WDHD1: variants seen among roughly 807,000 people sequenced by gnomAD.
WDHD1 encodes the protein WD repeat and HMG-box DNA binding protein 1.
WDHD1 carries 111 observed loss-of-function variants against 135.4 expected under a neutral mutation model. That is an observed-to-expected ratio of 0.82 (90% CI 0.70 to 0.96). WDHD1 has a LOEUF of 0.96. Among genes scored for constraint, WDHD1 ranks in the 40% least tolerant of loss-of-function variants. The pLI is 0.00. For synonymous variants in WDHD1, 434 were observed against 439.0 expected (o/e 0.99, Z 0.14); for missense variants, 1,351 against 1,336.3 (o/e 1.01, Z -0.17).
intron 17 of WDHD1, 59 bp from the exon 18 acceptor site, chr14:54,966,665 T>C (rs1301748267): frequency 6.6e-7 from 1 of 1,507,988 alleles, no homozygotes; most frequent in Non-Finnish European, 8.9e-7. Flanking sequence ...AGGCAAGCGT[T>C]AAATATTTAT....
chr14:54,956,984 C>T, intron 23 of WDHD1, 50 bp downstream of exon 23: 2 of 1,573,532 alleles, frequency 1.3e-6, no homozygotes, highest in Non-Finnish European at 1.7e-6. Context: ...AAACTGAAGA[C>T]AAACAGATCC....
intron 16 of WDHD1, among the ~76,000 whole-genome samples, chr14:54,968,434 C>T (rs1240685846): frequency 1.3e-5 from 2 of 151,502 alleles, no homozygotes; most frequent in East Asian, 1.9e-4. Context: ...AACAATCTAA[C>T]ATTGCATCTA....
chr14:54,958,060 A>C (rs1345715525), intron 21 of WDHD1, among the ~76,000 whole-genome samples: 1 of 152,100 alleles, frequency 6.6e-6, no homozygotes, highest in East Asian at 1.9e-4. Flanking sequence ...AAAAAGAAAC[A>C]AAAAACAAAC....
intron 18 of WDHD1, among the ~76,000 whole-genome samples, chr14:54,963,960 T>A (rs2041299354): frequency 6.6e-6 from 1 of 151,636 alleles, no homozygotes; most frequent in Admixed American, 6.6e-5. Context: ...AAAAATAAAT[T>A]AGCTGGGCGT....
chr14:55,017,979 T>A (rs1421165461), intron 2 of WDHD1, among the ~76,000 whole-genome samples: 4 of 152,166 alleles, frequency 2.6e-5, no homozygotes, highest in Non-Finnish European at 5.9e-5. Flanking sequence ...CTAGACCTCC[T>A]GGCCTCAAGC....
At chr14:55,007,759 G>A (rs2042096929) in intron 6 of WDHD1, among the ~76,000 whole-genome samples, 1 of 152,172 alleles carries the variant, frequency 6.6e-6, no homozygotes, top group African/African-American at 2.4e-5. Flanking sequence ...ATGAAGGGAA[G>A]GAACTGTGGA....
intron 3 of WDHD1, among the ~76,000 whole-genome samples, chr14:55,011,364 T>A (rs2042165506): frequency 6.6e-6 from 1 of 151,770 alleles, no homozygotes; most frequent in South Asian, 2.1e-4. Flanking sequence ...ACCCCATCTC[T>A]ACTAAAATTA....
In WDHD1 at chr14:54,987,291, A is replaced by T; in HGVS notation, c.1623T>A (p.Gly541=). Residue 541 remains glycine, a synonymous_variant, in exon 14 of 26, where the codon GGT becomes GGA. Coordinates refer to ENST00000360586, the MANE Select transcript of WDHD1 (RefSeq NM_007086.4). ...QNEDIEAICL[G]QGWAAAATSA... ...TAGTAGCGGCAGCAGCCCATCCTTG[A>T]CCGAGACATATGGCTTCAATATCCT... 6.2e-7 allele frequency: 1 copy of T among 1,614,114 alleles called. No individual in the cohort carries two copies. The highest frequency in any genetic ancestry group is 8.5e-7 in the Non-Finnish European group (1 of 1,180,026).
intron 16 of WDHD1, among the ~76,000 whole-genome samples, chr14:54,975,318 CATT>C (rs1296296057): frequency 6.6e-6 from 1 of 151,832 alleles, no homozygotes; most frequent in Non-Finnish European, 1.5e-5. Flanking sequence ...GCAGGGATGA[CATT>C]AATACAGATC....
intron 18 of WDHD1, among the ~76,000 whole-genome samples, chr14:54,965,594 A>G (rs553497219): frequency 2.0e-5 from 3 of 152,240 alleles, no homozygotes; most frequent in Non-Finnish European, 2.9e-5. Context: ...ACTGATGGGC[A>G]AAAGCAAAAG....
At chr14:55,018,708 T>C (rs1355702863) in intron 2 of WDHD1, among the ~76,000 whole-genome samples, 2 of 152,204 alleles carry the variant, frequency 1.3e-5, no homozygotes, top group Non-Finnish European at 2.9e-5. Flanking sequence ...GCTAGTAGAA[T>C]TTGCTCTGAG....
chr14:54,982,832 TA>T (rs2041639940), intron 15 of WDHD1, among the ~76,000 whole-genome samples: 1 of 152,144 alleles, frequency 6.6e-6, no homozygotes, highest in South Asian at 2.1e-4. Context: ...GAGAAATATT[TA>T]AGTCCCCATG....
chr14:54,956,530 C>T (rs1489887667), intron 23 of WDHD1, among the ~76,000 whole-genome samples: 3 of 151,978 alleles, frequency 2.0e-5, no homozygotes, highest in Admixed American at 6.6e-5. Context: ...CCCAACTCCT[C>T]GGGAGGCTGA....
chr14:54,966,372 A>T, intron 18 of WDHD1, 103 bp downstream of exon 18: 1 of 1,364,806 alleles, frequency 7.3e-7, no homozygotes, highest in Non-Finnish European at 9.7e-7. Flanking sequence ...AAACTTAAGA[A>T]TCTTAGGTTG....
chr14:54,974,268 C>CA (rs2041486089), intron 16 of WDHD1, among the ~76,000 whole-genome samples: 1 of 151,530 alleles, frequency 6.6e-6, no homozygotes, highest in Admixed American at 6.6e-5. Flanking sequence ...CAAAAAAATA[C>CA]AAAAAATACA....
chr14:54,994,737 G>C (rs1351091308), intron 11 of WDHD1, among the ~76,000 whole-genome samples: 2 of 150,760 alleles, frequency 1.3e-5, no homozygotes, highest in African/African-American at 4.9e-5. Flanking sequence ...CTCCAGCCTG[G>C]GTGACAGAGT....
At chr14:55,004,093 T>A (rs1032015074) in intron 7 of WDHD1, among the ~76,000 whole-genome samples, 4 of 152,160 alleles carry the variant, frequency 2.6e-5, no homozygotes, top group Non-Finnish European at 5.9e-5. Context: ...TCCTGAAAAA[T>A]TTCAAAAGAA....
At chr14:54,948,579 G>T (rs1304165501) in intron 24 of WDHD1, among the ~76,000 whole-genome samples, 1 of 152,194 alleles carries the variant, frequency 6.6e-6, no homozygotes, top group Non-Finnish European at 1.5e-5. Context: ...TGGGGGCAGG[G>T]CATAGCCGAA....
intron 16 of WDHD1, among the ~76,000 whole-genome samples, chr14:54,968,302 A>G (rs1466264886): frequency 1.3e-5 from 2 of 152,230 alleles, no homozygotes; most frequent in African/African-American, 2.4e-5. Context: ...AAATTGAAAT[A>G]TTCTTTGAAA....
Sources: gnomAD v4.1 joint callset for allele counts (sites outside exome capture counted in the v4.1 genomes callset) on GRCh38, gnomAD v4.1.1 for gene constraint, MANE v1.5 for transcripts, NCBI Gene and HGNC (gene_info 2026-07-23, HGNC 2026-07-21) for gene names.